Variants in C16orf96 observed in about 807,000 individuals in gnomAD.
C16orf96 encodes chromosome 16 open reading frame 96.
C16orf96 carries 108 observed loss-of-function variants against 103.6 expected under a neutral mutation model. That is an observed-to-expected ratio of 1.04 (90% confidence interval 0.89 to 1.22). C16orf96 has a LOEUF of 1.22. Ranked by LOEUF, C16orf96 falls within the 50% of genes most tolerant of loss-of-function variation. C16orf96 has a pLI of 0.00. For synonymous variants in C16orf96, 566 were observed against 593.5 expected, an observed-to-expected ratio of 0.95 and a Z score of 0.67; for missense variants, 1,586 against 1,464.2, an observed-to-expected ratio of 1.08 and a Z score of -1.36.
chr16:4,587,967 A>G lies in C16orf96; in HGVS notation c.2428-200A>G, dbSNP rs143662620. Among the ~76,000 whole-genome samples, 802 of 152,112 alleles carry G rather than the reference A, an allele frequency of 5.3e-3. 5 individuals are homozygous for G. Among genetic ancestry groups the G allele is most frequent in the Middle Eastern group, 0.031 (9 of 294 alleles). ...AAACACATAATAATAAAATACATCA[A>G]CTTCCCTGTTATAGGAAAACCTTGG... On this transcript the variant is annotated intron_variant, in intron 8 of 15. Coordinates refer to ENST00000444310, the MANE Select transcript of C16orf96 (RefSeq NM_001145011.2).
rs138719806 is a variant in C16orf96, at chr16:4,564,537, G to T, written c.421-7024G>T. ...TTAAATTGGATTTTTAAGGCTGGGC[G>T]TGGTGGTTTACGCCTATGATCCCAG... is the stretch of plus-strand genomic sequence containing the variant. On this transcript the variant is annotated intron_variant, in intron 1 of 15. Transcript: ENST00000444310. Among the ~76,000 whole-genome samples, 251 of 152,308 alleles carry T rather than the reference G, an allele frequency of 1.6e-3. 3 individuals are homozygous for T. The highest frequency in any genetic ancestry group is 5.8e-3 in the African/African-American group (242 of 41,560).
chr16:4,550,178 G>A, the C16orf96 span, among the ~76,000 whole-genome samples: 2 of 150,918 alleles, frequency 1.3e-5, no homozygotes, highest in East Asian at 1.9e-4. Flanking sequence ...TCTGCCTCTC[G>A]GGCTCAAGCG....
At chr16:4,559,398 A>T (rs900597644) in intron 1 of C16orf96, among the ~76,000 whole-genome samples, 18 of 151,816 alleles carry the variant, frequency 1.2e-4, no homozygotes, top group East Asian at 3.9e-4. Flanking sequence ...AAAATAAAAA[A>T]AAATTAGCCA....
the C16orf96 span, among the ~76,000 whole-genome samples, chr16:4,540,591 G>T: frequency 7.9e-5 from 12 of 151,874 alleles, no homozygotes; most frequent in Admixed American, 7.2e-4. Context: ...AAATTAGCCC[G>T]GCATACACGC....
the C16orf96 span, among the ~76,000 whole-genome samples, chr16:4,543,343 G>T: frequency 6.6e-6 from 1 of 152,160 alleles, no homozygotes; most frequent in Admixed American, 6.6e-5. Flanking sequence ...TATGAAAGAG[G>T]AGGGCAGAGG....
At chr16:4,585,806 AG>A (rs1324314586) in intron 7 of C16orf96, among the ~76,000 whole-genome samples, 1 of 152,134 alleles carries the variant, frequency 6.6e-6, no homozygotes, top group Non-Finnish European at 1.5e-5. Context: ...ACTTGGATGG[AG>A]GCCGGGGTCA....
chr16:4,580,193 C>G (rs2059566747), intron 7 of C16orf96, 68 bp downstream of exon 7: 1 of 1,273,786 alleles, frequency 7.9e-7, no homozygotes, highest in Non-Finnish European at 1.1e-6. Flanking sequence ...ACCTTCTGGC[C>G]CTTCCCGAAG....
At chr16:4,584,372 C>A (rs1896867347) in intron 7 of C16orf96, among the ~76,000 whole-genome samples, 1 of 2,312 alleles carries the variant, frequency 4.3e-4, no homozygotes. Flanking sequence ...TTTTGAGATA[C>A]AGTCTCGCTC....
At chr16:4,597,129 C>G (rs538493164) in intron 14 of C16orf96, among the ~76,000 whole-genome samples, 22 of 152,164 alleles carry the variant, frequency 1.4e-4, no homozygotes, top group Non-Finnish European at 3.2e-4. Context: ...GGGCCAGACA[C>G]CGTCTCAAAC....
intron 1 of C16orf96, among the ~76,000 whole-genome samples, chr16:4,559,111 G>A (rs1309906765): frequency 6.6e-6 from 1 of 151,980 alleles, no homozygotes; most frequent in African/African-American, 2.4e-5. Flanking sequence ...AGCGATGACT[G>A]CCTTCCTATC....
intron 1 of C16orf96, 42 bp from the exon 2 acceptor site, chr16:4,571,519 C>G (rs2059438057): frequency 6.6e-7 from 1 of 1,513,116 alleles, no homozygotes; most frequent in Non-Finnish European, 9.0e-7. Flanking sequence ...ACCTTCTCCC[C>G]CAGCCATACC....
At chr16:4,596,502 A>AC (rs1897176327) in intron 14 of C16orf96, among the ~76,000 whole-genome samples, 2 of 150,484 alleles carry the variant, frequency 1.3e-5, no homozygotes, top group South Asian at 2.1e-4. Context: ...AAAAAAAAAA[A>AC]CAGCTGAAGT....
chr16:4,599,161 G>C, intron 14 of C16orf96, 123 bp from the exon 15 acceptor site: 1 of 774,856 alleles, frequency 1.3e-6, no homozygotes, highest in Non-Finnish European at 2.2e-6. Context: ...TAAAGGAATG[G>C]ACCGGGGAGC....
intron 5 of C16orf96, among the ~76,000 whole-genome samples, chr16:4,577,942 T>G (rs762270832): frequency 2.6e-5 from 4 of 151,514 alleles, no homozygotes; most frequent in Non-Finnish European, 4.4e-5. Flanking sequence ...ATAGCGAGAC[T>G]CCTCCTCAAA....
chr16:4,570,276 C>T (rs74005362), intron 1 of C16orf96, among the ~76,000 whole-genome samples: 313 of 152,236 alleles, frequency 2.1e-3, no homozygotes, highest in African/African-American at 7.0e-3. Flanking sequence ...GGTAACTGAA[C>T]CCTGCAATGC....
intron 8 of C16orf96, 32 bp from the exon 9 acceptor site, chr16:4,588,135 G>T: frequency 6.5e-7 from 1 of 1,541,566 alleles, no homozygotes; most frequent in East Asian, 2.5e-5. Flanking sequence ...CATCCCAGCA[G>T]CCATGCCTCC....
At chr16:4,554,919 G>A (rs948069931), upstream of C16orf96, among the ~76,000 whole-genome samples, 1 of 150,872 alleles carries the variant, frequency 6.6e-6, no homozygotes, top group Non-Finnish European at 1.5e-5. Context: ...GTGAGCCACC[G>A]CGCCCAGCCG....
chr16:4,589,967 A>C (rs1897019390), intron 9 of C16orf96, among the ~76,000 whole-genome samples: 1 of 151,952 alleles, frequency 6.6e-6, no homozygotes, highest in African/African-American at 2.4e-5. Flanking sequence ...ACTAAAAAAT[A>C]CAACAAAAAT....
In C16orf96 at chr16:4,558,890, G is replaced by A. The variant is rs541158053; in HGVS notation, c.420+1981G>A. Among the ~76,000 whole-genome samples the A allele has an allele frequency of 1.2e-4, 18 of 146,670 alleles. No homozygotes were observed. The South Asian group carries it at 1.7e-3, about 14-fold the overall frequency. The stretch of plus-strand genomic sequence containing the variant: ...AGATCGCACCACTGCATTCCAGCCT[G>A]GTGACAGAGCGAGACTCTGTCTCAA... On this transcript the variant is annotated intron_variant, in intron 1 of 15. Transcript: ENST00000444310.
Sources: gnomAD v4.1 joint callset for allele counts (sites outside exome capture counted in the v4.1 genomes callset) on GRCh38, gnomAD v4.1.1 for gene constraint, MANE v1.5 for transcripts, NCBI Gene and HGNC (gene_info 2026-07-23, HGNC 2026-07-21) for gene names.